SLC25A21: variants seen among roughly 807,000 people sequenced by gnomAD.
SLC25A21 encodes the protein mitochondrial 2-oxodicarboxylate carrier.
Under a neutral mutation model 43.8 loss-of-function variants are expected in SLC25A21, and 47 were observed. That is an observed-to-expected ratio of 1.07 (90% CI 0.85 to 1.37). The LOEUF is 1.37. Ranked by LOEUF, SLC25A21 falls within the 40% of genes most tolerant of loss-of-function variation. SLC25A21 has a pLI of 0.00. For missense variants in SLC25A21, 352 were observed against 350.2 expected, an observed-to-expected ratio of 1.00 and a Z score of -0.04; for synonymous variants, 131 against 121.3, an observed-to-expected ratio of 1.08 and a Z score of -0.52.
intron 1 of SLC25A21, among the ~76,000 whole-genome samples, chr14:36,907,344 G>GT (rs1314292096): frequency 2.0e-5 from 3 of 151,978 alleles, no homozygotes; most frequent in African/African-American, 7.3e-5. Flanking sequence ...TGGCTTGTTT[G>GT]TTTTGTTGGT....
At chr14:36,968,632 C>T (rs1193242668) in intron 1 of SLC25A21, among the ~76,000 whole-genome samples, 7 of 152,122 alleles carry the variant, frequency 4.6e-5, no homozygotes, top group Admixed American at 4.6e-4. Flanking sequence ...ACCCTTAGAG[C>T]CTTTCTCCAA....
At chr14:36,907,557 A>T (rs79750732) in intron 1 of SLC25A21, among the ~76,000 whole-genome samples, 2,419 of 152,284 alleles carry the variant, frequency 0.016, 62 homozygotes, top group African/African-American at 0.054. Flanking sequence ...ATTGCCACCA[A>T]CTAAAACATT....
At chr14:36,886,935 T>A (rs1890933044) in intron 1 of SLC25A21, among the ~76,000 whole-genome samples, 1 of 152,166 alleles carries the variant, frequency 6.6e-6, no homozygotes, top group Non-Finnish European at 1.5e-5. Context: ...TTATGGAAGC[T>A]TACTGCTATA....
chr14:37,136,152 C>T (rs1963476475), intron 1 of SLC25A21, among the ~76,000 whole-genome samples: 1 of 152,130 alleles, frequency 6.6e-6, no homozygotes, highest in African/African-American at 2.4e-5. Context: ...ACTAGGGAGA[C>T]ATTCTGATCT....
intron 1 of SLC25A21, among the ~76,000 whole-genome samples, chr14:37,062,918 ACC>A (rs1961979346): frequency 6.6e-6 from 1 of 152,092 alleles, no homozygotes; most frequent in African/African-American, 2.4e-5. Flanking sequence ...ATGAAGAAAT[ACC>A]CAAGACCGGG....
intron 2 of SLC25A21, among the ~76,000 whole-genome samples, chr14:36,836,716 T>C (rs1594628882): frequency 6.6e-6 from 1 of 152,228 alleles, no homozygotes. Context: ...AGAAAATGGA[T>C]ATAGGCAGTA....
intron 1 of SLC25A21, among the ~76,000 whole-genome samples, chr14:36,962,514 T>A (rs1231068800): frequency 1.3e-5 from 2 of 152,164 alleles, no homozygotes; most frequent in African/African-American, 2.4e-5. Context: ...CCACCCCTGG[T>A]AGCCACTGTT....
rs530604461 is a variant in SLC25A21, at chr14:36,816,659, C to G, written c.120-2658G>C. ...GGACTACAGGCATGCACCATCATGC[C>G]TAGCTAATTTTTAAAATTTTTTTCT... On this transcript the variant is annotated intron_variant, in intron 2 of 9. Coordinates refer to ENST00000331299, the MANE Select transcript of SLC25A21 (RefSeq NM_030631.4). 9.2e-5 allele frequency among the ~76,000 whole-genome samples: 14 copies of G among 152,020 alleles called. No homozygotes were observed. The South Asian group carries it at 2.9e-3, about 32-fold the overall frequency.
At chr14:36,947,894 T>C (rs1015628890) in intron 1 of SLC25A21, among the ~76,000 whole-genome samples, 2 of 152,212 alleles carry the variant, frequency 1.3e-5, no homozygotes, top group Non-Finnish European at 2.9e-5. Flanking sequence ...ATTTCAGGCA[T>C]TACTCGATTC....
chr14:36,772,222 A>G (rs900995587), intron 3 of SLC25A21, among the ~76,000 whole-genome samples: 1 of 152,160 alleles, frequency 6.6e-6, no homozygotes, highest in Non-Finnish European at 1.5e-5. Flanking sequence ...GCCATATTTC[A>G]AGTGTAGCAG....
At chr14:36,789,418 T>C (rs972668904) in intron 3 of SLC25A21, among the ~76,000 whole-genome samples, 1 of 151,870 alleles carries the variant, frequency 6.6e-6, no homozygotes, top group African/African-American at 2.4e-5. Flanking sequence ...AAGAAAACCA[T>C]TGGTAGTTTG....
intron 1 of SLC25A21, among the ~76,000 whole-genome samples, chr14:36,941,182 A>G (rs980159122): frequency 2.6e-5 from 4 of 152,064 alleles, no homozygotes; most frequent in Admixed American, 1.3e-4. Context: ...AATGCATGTG[A>G]TCAGGGACAG....
Position 36,680,059 on chromosome 14 carries a change from T to A in SLC25A21, c.*599A>T, listed in dbSNP as rs1229046188. The A allele has an allele frequency of 1.2e-6, 1 of 863,470 alleles. No individual in the cohort carries two copies. The highest frequency in any genetic ancestry group is 1.4e-6 in the Non-Finnish European group (1 of 719,986). The allele number at this position is 863,470 out of a possible 1,614,324, so 53.5% of individuals were successfully genotyped here. On this transcript the variant is annotated 3_prime_UTR_variant, in exon 10 of 10. Transcript: ENST00000331299. ...GATGTAGGAAAATAGAGCTGATATGTGCATAGTTACTAAAAAAAACCAACA... is the reference window on the plus strand; with the variant it reads ...GATGTAGGAAAATAGAGCTGATATGAGCATAGTTACTAAAAAAAACCAACA...
chr14:37,000,659 CA>C (rs1960468722), intron 1 of SLC25A21, among the ~76,000 whole-genome samples: 1 of 152,170 alleles, frequency 6.6e-6, no homozygotes, highest in Non-Finnish European at 1.5e-5. Context: ...AATCTCATAT[CA>C]AATTGTAATC....
At chr14:36,909,808 C>G (rs1891633371) in intron 1 of SLC25A21, among the ~76,000 whole-genome samples, 2 of 152,146 alleles carry the variant, frequency 1.3e-5, no homozygotes, top group Admixed American at 6.5e-5. Flanking sequence ...AGTGCCCCTC[C>G]TACATCAGTA....
intron 9 of SLC25A21, among the ~76,000 whole-genome samples, chr14:36,682,003 T>C (rs1364201830): frequency 6.6e-6 from 1 of 152,166 alleles, no homozygotes; most frequent in Non-Finnish European, 1.5e-5. Flanking sequence ...CTAGTAACAG[T>C]TGAGGTTTAA....
chr14:36,993,345 T>C (rs972500129), intron 1 of SLC25A21, among the ~76,000 whole-genome samples: 9 of 152,088 alleles, frequency 5.9e-5, no homozygotes, highest in Admixed American at 2.0e-4. Context: ...AAGCCACGAG[T>C]TTTATGGCTT....
intron 1 of SLC25A21, among the ~76,000 whole-genome samples, chr14:36,961,917 T>C (rs1337147854): frequency 1.3e-5 from 2 of 152,122 alleles, no homozygotes; most frequent in Admixed American, 1.3e-4. Flanking sequence ...GAAAACATAA[T>C]TTCCCATAAA....
At chr14:36,816,357 G>T (rs1888454620) in intron 2 of SLC25A21, among the ~76,000 whole-genome samples, 1 of 152,074 alleles carries the variant, frequency 6.6e-6, no homozygotes, top group South Asian at 2.1e-4. Flanking sequence ...CAGTTAGGAA[G>T]GAGATACAAT....
Sources: gnomAD v4.1 joint callset for allele counts (sites outside exome capture counted in the v4.1 genomes callset) on GRCh38, gnomAD v4.1.1 for gene constraint, MANE v1.5 for transcripts, NCBI Gene and HGNC (gene_info 2026-07-23, HGNC 2026-07-21) for gene names.